The following COL26A1 variants were observed in gnomAD, a reference collection of about 807,000 sequenced individuals.
COL26A1 encodes collagen alpha-1(XXVI) chain.
Under a neutral mutation model 59.3 loss-of-function variants are expected in COL26A1, and 41 were observed. The ratio of observed to expected loss-of-function variants is 0.69; its 90% CI spans 0.54 to 0.90. The LOEUF is 0.90. COL26A1 is among the 40% of genes least tolerant of loss of function. The pLI is 0.00. For missense variants in COL26A1, 612 were observed against 602.3 expected, an observed-to-expected ratio of 1.02 and a Z score of -0.17; for synonymous variants, 266 against 256.0, an observed-to-expected ratio of 1.04 and a Z score of -0.37.
chr7:101,465,431 C>G (rs995646111), intron 3 of COL26A1, among the ~76,000 whole-genome samples: 1 of 152,114 alleles, frequency 6.6e-6, no homozygotes, highest in Non-Finnish European at 1.5e-5. Flanking sequence ...CAGTGCAGGA[C>G]AACATCAGCA....
At chr7:101,373,930 T>C (rs914765385) in intron 1 of COL26A1, among the ~76,000 whole-genome samples, 17 of 152,216 alleles carry the variant, frequency 1.1e-4, no homozygotes, top group Admixed American at 6.5e-4. Flanking sequence ...TCCAGGCTTC[T>C]CTTGGCTCGA....
At chr7:101,414,760 A>G (rs1050286244) in intron 1 of COL26A1, among the ~76,000 whole-genome samples, 2 of 152,016 alleles carry the variant, frequency 1.3e-5, no homozygotes, top group African/African-American at 4.8e-5. Context: ...GGAAACACAC[A>G]CTGAGTGCTT....
chr7:101,558,464 CCCA>C lies in COL26A1; in HGVS notation c.*936_*938del, dbSNP rs1796034144. On this transcript the variant is annotated 3_prime_UTR_variant, in exon 13 of 13. Coordinates refer to ENST00000313669, the MANE Select transcript of COL26A1 (RefSeq NM_001278563.3). ...CAGAGGTGGGACTTGCAGCCTCTGC[CCCA>C]CGAGTTTGTCTCTCAGTGGACTCTA... is the stretch of plus-strand genomic sequence containing the variant. 1 of 152,244 alleles carries C rather than the reference CCCA, an allele frequency of 6.6e-6. No homozygotes were observed. The highest frequency in any genetic ancestry group is 2.4e-5 in the African/African-American group (1 of 41,424). The allele number at this position is 152,244 out of a possible 1,614,324, so 9.4% of individuals were successfully genotyped here.
intron 2 of COL26A1, among the ~76,000 whole-genome samples, chr7:101,427,666 A>AAG (rs1378023772): frequency 4.0e-5 from 6 of 150,934 alleles, no homozygotes; most frequent in Non-Finnish European, 8.9e-5. Flanking sequence ...TTCTTAAAAA[A>AAG]AAAAAAAATT....
chr7:101,406,820 C>T (rs568483016), intron 1 of COL26A1, among the ~76,000 whole-genome samples: 22 of 152,058 alleles, frequency 1.4e-4, no homozygotes, highest in Admixed American at 1.2e-3. Flanking sequence ...CATGGTGGCA[C>T]GCACTTGTAG....
chr7:101,386,314 A>G (rs999817710), intron 1 of COL26A1, among the ~76,000 whole-genome samples: 2 of 140,796 alleles, frequency 1.4e-5, no homozygotes, highest in African/African-American at 5.5e-5. Context: ...TCTGTTGCCC[A>G]GGCTAAGTGC....
chr7:101,489,672 C>CTGT lies in COL26A1; in HGVS notation c.385+41885_385+41886insTGT, dbSNP rs1491563966. Among the ~76,000 whole-genome samples, 86 of 28,362 alleles carry CTGT rather than the reference C, an allele frequency of 3.0e-3. 17 individuals carry two copies. Among genetic ancestry groups the CTGT allele is most frequent in the African/African-American group, 0.025 (56 of 2,240 alleles). 18.6% of individuals were successfully genotyped at this position (28,362 alleles called of 152,430 possible). ...TTCTTTCTTTCTTTCTTCCTTCCTT[C>CTGT]CTTCCTTCCTTTCTTTCTTTCTTTC... On this transcript the variant is annotated intron_variant, in intron 3 of 12. Coordinates refer to ENST00000313669, the MANE Select transcript of COL26A1 (RefSeq NM_001278563.3).
chr7:101,546,062 AAC>A (rs906595219), intron 7 of COL26A1, among the ~76,000 whole-genome samples: 11 of 152,318 alleles, frequency 7.2e-5, no homozygotes, highest in Middle Eastern at 3.4e-3. Context: ...AGAGCCTCTG[AAC>A]ACACAGAAAT....
chr7:101,418,974 C>T (rs755625603), intron 1 of COL26A1, among the ~76,000 whole-genome samples: 66 of 151,814 alleles, frequency 4.3e-4, no homozygotes, highest in Non-Finnish European at 7.8e-4. Flanking sequence ...CTTCCTTCAG[C>T]CTTCTGGCTC....
intron 1 of COL26A1, among the ~76,000 whole-genome samples, chr7:101,401,495 A>G (rs901358516): frequency 1.3e-5 from 2 of 149,150 alleles, no homozygotes; most frequent in African/African-American, 5.0e-5. Context: ...GGAAGACTAG[A>G]AGAAGGAAGA....
chr7:101,543,378 C>T (rs1374985728), intron 5 of COL26A1, among the ~76,000 whole-genome samples: 1 of 152,104 alleles, frequency 6.6e-6, no homozygotes, highest in Non-Finnish European at 1.5e-5. Context: ...CTATGTGGCC[C>T]AGGCTGGTCT....
intron 3 of COL26A1, among the ~76,000 whole-genome samples, chr7:101,459,284 TTTTG>T (rs140543982): frequency 0.01 from 1,583 of 152,076 alleles, 29 homozygotes; most frequent in African/African-American, 0.036. Flanking sequence ...CCTAGAGTTC[TTTTG>T]TTTGTTTGTT....
chr7:101,513,296 C>G lies in COL26A1; in HGVS notation c.386-19786C>G, dbSNP rs910450647. Among the ~76,000 whole-genome samples, 8 of 151,802 alleles carry G rather than the reference C, an allele frequency of 5.3e-5. No homozygotes were observed. In the South Asian group the frequency reaches 1.5e-3, roughly 28 times the overall value. On this transcript the variant is annotated intron_variant, in intron 3 of 12. Transcript: ENST00000313669. ...GTGCTGGGATTACAGGCATAAGCCA[C>G]CACGCCCAGCCTCTATTTATTTTAT...
At chr7:101,443,447 C>T (rs917256528) in intron 2 of COL26A1, among the ~76,000 whole-genome samples, 1 of 152,210 alleles carries the variant, frequency 6.6e-6, no homozygotes, top group African/African-American at 2.4e-5. Context: ...GTTCTCCACT[C>T]GTGTGTTTTC....
intron 1 of COL26A1, among the ~76,000 whole-genome samples, chr7:101,407,162 G>A (rs556265445): frequency 3.1e-4 from 47 of 152,216 alleles, no homozygotes; most frequent in Non-Finnish European, 2.8e-4. Flanking sequence ...TCCTGGCAGC[G>A]GGTACCTCCT....
intron 1 of COL26A1, among the ~76,000 whole-genome samples, chr7:101,372,302 A>T (rs1388304256): frequency 2.6e-5 from 4 of 151,964 alleles, no homozygotes; most frequent in Non-Finnish European, 5.9e-5. Flanking sequence ...AGTAGCTGGG[A>T]TTACAGGCGC....
intron 3 of COL26A1, among the ~76,000 whole-genome samples, chr7:101,452,332 G>A (rs2130392785): frequency 6.6e-6 from 1 of 152,300 alleles, no homozygotes; most frequent in Non-Finnish European, 1.5e-5. Context: ...ATGTGGGGCT[G>A]TGGACCCACC....
chr7:101,547,094 C>A, intron 7 of COL26A1, 62 bp from the exon 8 acceptor site: 2 of 1,247,498 alleles, frequency 1.6e-6, no homozygotes, highest in South Asian at 1.4e-5. Flanking sequence ...TGCCCCGGAC[C>A]AGCCTCCCAG....
intron 3 of COL26A1, among the ~76,000 whole-genome samples, chr7:101,506,980 T>A (rs1794824737): frequency 6.6e-6 from 1 of 151,976 alleles, no homozygotes; most frequent in African/African-American, 2.4e-5. Context: ...GGTGATGTGA[T>A]CTCGGCTCAC....
Sources: gnomAD v4.1 joint callset for allele counts (sites outside exome capture counted in the v4.1 genomes callset) on GRCh38, gnomAD v4.1.1 for gene constraint, MANE v1.5 for transcripts, NCBI Gene and HGNC (gene_info 2026-07-23, HGNC 2026-07-21) for gene names.